The following COL4A6 variants were observed in gnomAD, a reference collection of about 807,000 sequenced individuals.
The protein encoded by COL4A6 is collagen type IV alpha 6 chain, also known as collagen alpha-6(IV) chain.
COL4A6 carries 59 observed loss-of-function variants against 126.7 expected under a neutral mutation model. The observed-to-expected ratio is 0.47, with a 90% confidence interval of 0.38 to 0.58. The LOEUF (loss-of-function observed/expected upper bound fraction) is 0.58. Ranked by LOEUF, COL4A6 falls within the 20% of genes least tolerant of loss-of-function variation. The pLI, the probability that COL4A6 is intolerant of heterozygous loss-of-function variation, is 0.00. For missense variants in COL4A6, 1,285 were observed against 1,337.3 expected, an observed-to-expected ratio of 0.96 and a Z score of 0.61; for synonymous variants, 547 against 496.6, an observed-to-expected ratio of 1.10 and a Z score of -1.35.
intron 3 of COL4A6, among the ~76,000 whole-genome samples, chrX:108,298,124 A>G (rs749251583): frequency 5.1e-4 from 57 of 111,974 alleles, no homozygotes; most frequent in South Asian, 1.1e-3. Flanking sequence ...TGGCTCTGCC[A>G]ACTGTTCTGT....
At chrX:108,160,698 GACA>G in intron 42 of COL4A6, 44 bp from the exon 43 acceptor site, 2 of 1,083,045 alleles carry the variant, frequency 1.8e-6, no homozygotes, top group African/African-American at 1.8e-5. Flanking sequence ...TGCAGCTAAT[GACA>G]ACATCAGCTA....
intron 16 of COL4A6, 52 bp downstream of exon 16, chrX:108,194,482 G>T: frequency 9.3e-7 from 1 of 1,077,417 alleles, no homozygotes; most frequent in Non-Finnish European, 1.3e-6. Flanking sequence ...GACATTTGTG[G>T]TAATTCACTC....
chrX:108,294,838 G>T (rs2038278427), intron 3 of COL4A6, among the ~76,000 whole-genome samples: 1 of 111,774 alleles, frequency 8.9e-6, no homozygotes, highest in African/African-American at 3.3e-5. Context: ...AGTGGTGATG[G>T]TTGCAGAACC....
At chrX:108,313,124 T>C (rs2038799428) in intron 2 of COL4A6, among the ~76,000 whole-genome samples, 1 of 112,377 alleles carries the variant, frequency 8.9e-6, no homozygotes, top group Non-Finnish European at 1.9e-5. Flanking sequence ...CCCTGGCAGT[T>C]TCCCCAGGAG....
chrX:108,229,952 G>T (rs1210776279), intron 3 of COL4A6, among the ~76,000 whole-genome samples: 1 of 112,347 alleles, frequency 8.9e-6, no homozygotes, highest in Non-Finnish European at 1.9e-5. Flanking sequence ...AAAACTATAA[G>T]GATTTAGTGC....
chrX:108,213,647 A>G (rs1179326593), intron 6 of COL4A6: 1 of 114,044 alleles, frequency 8.8e-6, no homozygotes, highest in Non-Finnish European at 1.8e-5. Context: ...AAATATCAAT[A>G]GTAATTGCCA....
At position 108,352,921 on chromosome X, in the gene COL4A6, A is replaced by T. The variant is rs148786732; in HGVS notation, c.64-42093T>A. ...CAGAACTTTGGGCTTCCTTGTGGGG[A>T]TGTCTTAATTGAGGGAATGTATATT... On this transcript the variant is annotated intron_variant, in intron 2 of 44. Transcript: ENST00000334504. Among the ~76,000 whole-genome samples, 291 of 111,693 alleles carry T rather than the reference A, an allele frequency of 2.6e-3. 1 individual carries two copies. Among genetic ancestry groups the T allele is most frequent in the Middle Eastern group, 0.019 (4 of 214 alleles).
chrX:108,437,757 A>G (rs2064294116), intron 2 of COL4A6, among the ~76,000 whole-genome samples, 185 bp downstream of exon 2: 1 of 111,578 alleles, frequency 9.0e-6, no homozygotes, highest in South Asian at 3.8e-4. Context: ...CTTGGTCCCA[A>G]AAACACTGAC....
intron 13 of COL4A6, among the ~76,000 whole-genome samples, chrX:108,196,904 G>C (rs1039161701): frequency 2.7e-5 from 3 of 112,216 alleles, no homozygotes; most frequent in Non-Finnish European, 5.6e-5. Context: ...CCAACATCTA[G>C]ATGGGTTAAA....
chrX:108,164,757 A>C, intron 39 of COL4A6, 59 bp from the exon 40 acceptor site: 1 of 1,178,941 alleles, frequency 8.5e-7, no homozygotes, highest in Non-Finnish European at 1.2e-6. Context: ...GTAGGGGTGG[A>C]GGATAGGCAG....
intron 2 of COL4A6, among the ~76,000 whole-genome samples, chrX:108,355,286 A>G (rs2039935417): frequency 8.9e-6 from 1 of 112,039 alleles, no homozygotes; most frequent in Non-Finnish European, 1.9e-5. Flanking sequence ...CTCCACCTAA[A>G]CTATCAAAAA....
chrX:108,296,598 A>G (rs772210102), intron 3 of COL4A6, among the ~76,000 whole-genome samples: 1 of 112,466 alleles, frequency 8.9e-6, no homozygotes, highest in South Asian at 3.7e-4. Context: ...GAACCAAGAC[A>G]AAGTACCATT....
chrX:108,260,623 C>T (rs1222749991), intron 3 of COL4A6, among the ~76,000 whole-genome samples: 3 of 111,174 alleles, frequency 2.7e-5, no homozygotes, highest in African/African-American at 9.8e-5. Flanking sequence ...GCCTCCCAGT[C>T]ACAAGGAACT....
chrX:108,422,065 A>G (rs757278005), intron 2 of COL4A6, among the ~76,000 whole-genome samples: 1 of 112,262 alleles, frequency 8.9e-6, no homozygotes, highest in Admixed American at 9.5e-5. Flanking sequence ...TTGGCAACTT[A>G]TTCTCCAATA....
chrX:108,331,725 G>A lies in COL4A6; in HGVS notation c.64-20897C>T, dbSNP rs141069115. On this transcript the variant is annotated intron_variant, in intron 2 of 44. Coordinates refer to ENST00000334504, the MANE Select transcript of COL4A6 (RefSeq NM_033641.4). ...TGACGTTGCTGTCTAAAGTCCAAAGGCAGTTTGGAGACAGAATTGCTACTT... is the reference window on the plus strand; with the variant it reads ...TGACGTTGCTGTCTAAAGTCCAAAGACAGTTTGGAGACAGAATTGCTACTT... Among the ~76,000 whole-genome samples, 23 of 111,366 alleles carry A rather than the reference G, an allele frequency of 2.1e-4. No individual in the cohort carries two copies. In the East Asian group the frequency reaches 6.3e-3, roughly 30 times the overall value.
At chrX:108,162,037 G>A (rs968579633) in intron 41 of COL4A6, among the ~76,000 whole-genome samples, 11 of 112,251 alleles carry the variant, frequency 9.8e-5, no homozygotes, top group African/African-American at 3.6e-4. Flanking sequence ...GGGCAACGGC[G>A]AGCATCCCAT....
intron 31 of COL4A6, among the ~76,000 whole-genome samples, chrX:108,172,974 C>G (rs1299136112): frequency 8.9e-6 from 1 of 112,146 alleles, no homozygotes; most frequent in African/African-American, 3.2e-5. Context: ...GCAAGGAACA[C>G]AAGTTCTTTC....
At chrX:108,318,740 GA>G (rs1361831116) in intron 2 of COL4A6, among the ~76,000 whole-genome samples, 1 of 112,168 alleles carries the variant, frequency 8.9e-6, no homozygotes, top group East Asian at 2.8e-4. Context: ...CAAACAAATG[GA>G]AGAATATTCC....
intron 3 of COL4A6, among the ~76,000 whole-genome samples, chrX:108,224,562 C>T (rs1158253758): frequency 9.0e-6 from 1 of 110,979 alleles, no homozygotes; most frequent in Non-Finnish European, 1.9e-5. Context: ...CTTATGGAGC[C>T]TGCAGTCATA....
Sources: gnomAD v4.1 joint callset for allele counts (sites outside exome capture counted in the v4.1 genomes callset) on GRCh38, gnomAD v4.1.1 for gene constraint, MANE v1.5 for transcripts, NCBI Gene and HGNC (gene_info 2026-07-23, HGNC 2026-07-21) for gene names.